The following RALYL variants were observed in gnomAD, a reference collection of about 807,000 sequenced individuals.
RALYL encodes the protein RALY RNA binding protein like.
In RALYL, 29 loss-of-function variants were observed where a neutral mutation model predicts 35.1. The ratio of observed to expected loss-of-function variants is 0.83; its 90% CI spans 0.61 to 1.13. The LOEUF (loss-of-function observed/expected upper bound fraction) is 1.13, where lower values mean the gene tolerates loss of function less well. Among genes scored for constraint, RALYL ranks in the 50% most tolerant of loss-of-function variants. The probability of loss-of-function intolerance (pLI) is 0.00; values close to 1 mark genes in which losing one functional copy is unlikely to be tolerated. For missense variants in RALYL, 359 were observed against 360.4 expected, an observed-to-expected ratio of 1.00 and a Z score of 0.03; for synonymous variants, 120 against 127.6, an observed-to-expected ratio of 0.94 and a Z score of 0.40.
chr8:84,644,515 A>T (rs931312364), intron 2 of RALYL, among the ~76,000 whole-genome samples: 1 of 152,086 alleles, frequency 6.6e-6, no homozygotes, highest in Non-Finnish European at 1.5e-5. Flanking sequence ...TACATTCTTT[A>T]GAAAAAAGAA....
chr8:84,310,619 T>A (rs1842586170), intron 1 of RALYL, among the ~76,000 whole-genome samples: 1 of 152,092 alleles, frequency 6.6e-6, no homozygotes, highest in African/African-American at 2.4e-5. Flanking sequence ...TGGCACAAAT[T>A]ATGTTCAATC....
chr8:84,883,148 T>TC (rs1842435937), intron 7 of RALYL, among the ~76,000 whole-genome samples: 1 of 152,138 alleles, frequency 6.6e-6, no homozygotes, highest in East Asian at 1.9e-4. Context: ...AGCTTTTTTT[T>TC]CCCTCAACTC....
intron 1 of RALYL, among the ~76,000 whole-genome samples, chr8:84,391,502 C>G (rs1860690421): frequency 6.6e-6 from 1 of 151,986 alleles, no homozygotes; most frequent in Admixed American, 6.6e-5. Flanking sequence ...TATTCTCACC[C>G]CAAACCTCCT....
intron 1 of RALYL, among the ~76,000 whole-genome samples, chr8:84,313,705 C>A (rs1158979370): frequency 1.3e-5 from 2 of 152,210 alleles, no homozygotes; most frequent in Non-Finnish European, 2.9e-5. Flanking sequence ...AGAAGTCCCT[C>A]ATCTCCATCT....
At chr8:84,656,589 G>T (rs1771674866) in intron 2 of RALYL, among the ~76,000 whole-genome samples, 1 of 152,056 alleles carries the variant, frequency 6.6e-6, no homozygotes, top group Non-Finnish European at 1.5e-5. Context: ...CATTCACAAA[G>T]TGTTAAGTGC....
intron 1 of RALYL, among the ~76,000 whole-genome samples, chr8:84,502,003 G>A (rs1454948860): frequency 1.3e-5 from 2 of 151,562 alleles, no homozygotes; most frequent in South Asian, 4.1e-4. Context: ...TTATTGTAAA[G>A]GTGTAGATTT....
At chr8:84,870,162 T>C (rs920099925) in intron 6 of RALYL, among the ~76,000 whole-genome samples, 2 of 152,186 alleles carry the variant, frequency 1.3e-5, no homozygotes, top group African/African-American at 2.4e-5. Context: ...GTTTGGTAAT[T>C]CTAAATTCAA....
chr8:84,670,722 C>T (rs1833041648), intron 2 of RALYL, among the ~76,000 whole-genome samples: 3 of 152,038 alleles, frequency 2.0e-5, no homozygotes. Flanking sequence ...ATGGGAAAGC[C>T]CACCCCCATG....
At chr8:84,673,571 G>A (rs1376897829) in intron 2 of RALYL, among the ~76,000 whole-genome samples, 2 of 152,138 alleles carry the variant, frequency 1.3e-5, no homozygotes, top group African/African-American at 4.8e-5. Context: ...GTAAGGAAGG[G>A]GTCCAGTTTT....
chr8:84,735,581 C>A (rs1160531906), intron 2 of RALYL, among the ~76,000 whole-genome samples: 3 of 151,960 alleles, frequency 2.0e-5, no homozygotes, highest in Non-Finnish European at 2.9e-5. Context: ...TAGTTTTAGA[C>A]AAATGTTCCA....
Position 84,617,907 on chromosome 8 carries a change from G to A in RALYL, c.256+88330G>A, listed in dbSNP as rs377621606. ...TGCTGGATTACATTTATTGATTTGC[G>A]TATATTGAACCAGCCTTGCATCCCA... On this transcript the variant is annotated intron_variant, in intron 2 of 8. Coordinates refer to ENST00000521268, the MANE Select transcript of RALYL (RefSeq NM_173848.7). Among the ~76,000 whole-genome samples, 325 of 151,812 alleles carry A rather than the reference G, an allele frequency of 2.1e-3. 8 individuals are homozygous for A. The East Asian group carries it at 0.04, about 19-fold the overall frequency.
intron 4 of RALYL, among the ~76,000 whole-genome samples, chr8:84,832,432 A>G (rs1264612224): frequency 6.6e-6 from 1 of 152,142 alleles, no homozygotes; most frequent in Non-Finnish European, 1.5e-5. Flanking sequence ...GAATGAAGGC[A>G]TCTAAAGCTG....
At chr8:84,542,071 G>A (rs1341482629) in intron 2 of RALYL, among the ~76,000 whole-genome samples, 1 of 151,942 alleles carries the variant, frequency 6.6e-6, no homozygotes, top group African/African-American at 2.4e-5. Flanking sequence ...CTACAAGTTT[G>A]CTGTTTTTTA....
At chr8:84,856,713 C>T (rs1475268903) in intron 5 of RALYL, among the ~76,000 whole-genome samples, 1 of 152,164 alleles carries the variant, frequency 6.6e-6, no homozygotes, top group Non-Finnish European at 1.5e-5. Flanking sequence ...GTACAGGGAA[C>T]AGATACACTA....
intron 2 of RALYL, among the ~76,000 whole-genome samples, chr8:84,725,503 T>C (rs1844778499): frequency 6.6e-6 from 1 of 151,784 alleles, no homozygotes; most frequent in African/African-American, 2.4e-5. Flanking sequence ...ATCAAAGCAA[T>C]GTTGTGTCCT....
intron 2 of RALYL, among the ~76,000 whole-genome samples, chr8:84,661,950 T>G (rs78527277): frequency 0.01 from 1,572 of 151,942 alleles, 35 homozygotes; most frequent in African/African-American, 0.035. Flanking sequence ...CTGTTTTTTT[T>G]TTTTTCCTTG....
intron 1 of RALYL, among the ~76,000 whole-genome samples, chr8:84,416,750 A>T (rs374182052): frequency 1.2e-3 from 184 of 152,310 alleles, no homozygotes; most frequent in African/African-American, 4.3e-3. Flanking sequence ...CAAAATATTA[A>T]TAGTGACCTT....
At chr8:84,653,872 ATAAAG>A (rs1420751775) in intron 2 of RALYL, among the ~76,000 whole-genome samples, 1 of 151,680 alleles carries the variant, frequency 6.6e-6, no homozygotes, top group African/African-American at 2.4e-5. Flanking sequence ...ATTCTCTAAT[ATAAAG>A]TATTTTTACT....
intron 3 of RALYL, among the ~76,000 whole-genome samples, chr8:84,776,831 T>A (rs1050117042): frequency 6.6e-6 from 1 of 152,218 alleles, no homozygotes; most frequent in African/African-American, 2.4e-5. Flanking sequence ...TCAAAAGAAC[T>A]AGAAGCAGAA....
Sources: allele counts gnomAD v4.1 joint callset (sites outside exome capture counted in the v4.1 genomes callset), GRCh38; gene constraint gnomAD v4.1.1; transcripts MANE v1.5; gene names NCBI Gene and HGNC (gene_info 2026-07-23, HGNC 2026-07-21).